The following ANKS1B variants were observed in gnomAD, a reference collection of about 807,000 sequenced individuals.
ANKS1B encodes the protein ankyrin repeat and sterile alpha motif domain-containing protein 1B.
Under a neutral mutation model 148.3 loss-of-function variants are expected in ANKS1B, and 36 were observed. The ratio of observed to expected loss-of-function variants is 0.24; its 90% confidence interval spans 0.19 to 0.32. The LOEUF is 0.32. Ranked by LOEUF, ANKS1B falls within the 10% of genes least tolerant of loss-of-function variation. ANKS1B has a pLI of 1.00. For missense variants in ANKS1B, 1,157 were observed against 1,542.6 expected, an observed-to-expected ratio of 0.75 and a Z score of 4.19; for synonymous variants, 542 against 560.8, an observed-to-expected ratio of 0.97 and a Z score of 0.47.
In ANKS1B at chr12:99,400,437, A is replaced by C. The variant is rs2094372730; in HGVS notation, c.1576-626T>G. ...TTTTAATTAATCCCCAAATAGCAAG[A>C]AAAGTCAATTTAAACATAAAAGTTA... On this transcript the variant is annotated intron_variant, in intron 11 of 26. Coordinates refer to ENST00000683438, the MANE Select transcript of ANKS1B (RefSeq NM_001352186.2). 1.4e-5 allele frequency among the ~76,000 whole-genome samples: 2 copies of C among 145,906 alleles called. 1 individual carries two copies. Among genetic ancestry groups the C allele is most frequent in the Non-Finnish European group, 3.0e-5 (2 of 66,020 alleles).
chr12:98,745,931 C>G (rs552028072), intron 26 of ANKS1B, 82 bp from the exon 27 acceptor site: 2 of 1,459,210 alleles, frequency 1.4e-6, no homozygotes, highest in East Asian at 2.5e-5. Context: ...GGCGAACCCA[C>G]GCGAGGCCCC....
intron 1 of ANKS1B, among the ~76,000 whole-genome samples, chr12:99,843,863 C>G (rs940282558): frequency 1.3e-5 from 2 of 152,072 alleles, no homozygotes; most frequent in Non-Finnish European, 2.9e-5. Context: ...CTAATTTACA[C>G]CCCCACCAGC....
intron 8 of ANKS1B, among the ~76,000 whole-genome samples, chr12:99,724,647 T>C (rs969097170): frequency 1.3e-5 from 2 of 151,872 alleles, no homozygotes; most frequent in Non-Finnish European, 2.9e-5. Flanking sequence ...ATTCAGGAAA[T>C]ACAGTGAACA....
chr12:98,983,790 C>T (rs2099921250), intron 17 of ANKS1B, among the ~76,000 whole-genome samples: 1 of 152,312 alleles, frequency 6.6e-6, no homozygotes, highest in South Asian at 2.1e-4. Context: ...TGGAGCAAAA[C>T]TGGTTGGGAA....
At chr12:98,755,942 A>G (rs563575018) in intron 25 of ANKS1B, among the ~76,000 whole-genome samples, 5 of 152,266 alleles carry the variant, frequency 3.3e-5, no homozygotes, top group African/African-American at 1.2e-4. Context: ...TGCTTGACCC[A>G]TAGGATATAG....
intron 22 of ANKS1B, among the ~76,000 whole-genome samples, chr12:98,789,023 T>C (rs887144530): frequency 1.3e-5 from 2 of 152,216 alleles, no homozygotes; most frequent in African/African-American, 4.8e-5. Context: ...GTTCAGTTCA[T>C]AATGACAGAT....
chr12:99,898,974 T>C (rs2093489108), intron 1 of ANKS1B, among the ~76,000 whole-genome samples: 1 of 152,206 alleles, frequency 6.6e-6, no homozygotes, highest in Non-Finnish European at 1.5e-5. Flanking sequence ...CCTCTCATTT[T>C]ATAGGTTAGA....
chr12:99,105,768 CAAAAAAAAAAAAA>C lies in ANKS1B; in HGVS notation c.2527-20758_2527-20746del, dbSNP rs11349848. 7.2e-5 allele frequency among the ~76,000 whole-genome samples: 6 copies of C among 82,932 alleles called. No homozygotes were observed. The South Asian group carries it at 2.5e-3, about 35-fold the overall frequency. The allele number at this position is 82,932 out of a possible 152,430, so 54.4% of individuals were successfully genotyped here. ...TGGGCAACAAAGTGAGACTCTGTCT[CAAAAAAAAAAAAA>C]AAAAAAAACTAAAACTAAAACAAAA... On this transcript the variant is annotated intron_variant, in intron 15 of 26. Coordinates refer to ENST00000683438, the MANE Select transcript of ANKS1B (RefSeq NM_001352186.2).
At chr12:98,904,427 A>G (rs1476651907) in intron 17 of ANKS1B, among the ~76,000 whole-genome samples, 3 of 152,250 alleles carry the variant, frequency 2.0e-5, no homozygotes, top group Admixed American at 6.5e-5. Flanking sequence ...TAGCTCTACA[A>G]ATTTCTTTAA....
intron 8 of ANKS1B, among the ~76,000 whole-genome samples, chr12:99,715,356 C>G (rs1381163903): frequency 6.6e-6 from 1 of 152,128 alleles, no homozygotes; most frequent in Non-Finnish European, 1.5e-5. Context: ...CTGGCTCATC[C>G]TGACTCAAAA....
chr12:99,815,096 G>A, intron 2 of ANKS1B, among the ~76,000 whole-genome samples: 1 of 151,424 alleles, frequency 6.6e-6, no homozygotes, highest in East Asian at 1.9e-4. Flanking sequence ...TCCTTTCAAG[G>A]GGTAAAGACG....
intron 8 of ANKS1B, among the ~76,000 whole-genome samples, chr12:99,708,114 A>G (rs1318659335): frequency 1.3e-5 from 2 of 152,166 alleles, no homozygotes; most frequent in African/African-American, 4.8e-5. Context: ...AATGCAAGCC[A>G]AATTCAACTG....
intron 12 of ANKS1B, among the ~76,000 whole-genome samples, chr12:99,325,070 CT>C (rs1348003692): frequency 6.6e-6 from 1 of 152,092 alleles, no homozygotes; most frequent in East Asian, 1.9e-4. Context: ...CAATGATGGA[CT>C]GTATACACGA....
At chr12:98,915,232 G>A (rs1040402335) in intron 17 of ANKS1B, among the ~76,000 whole-genome samples, 10 of 152,186 alleles carry the variant, frequency 6.6e-5, no homozygotes, top group Non-Finnish European at 1.3e-4. Context: ...TATCCATAGA[G>A]GGAAGATGAT....
chr12:99,016,848 G>T (rs1161142541), intron 17 of ANKS1B, among the ~76,000 whole-genome samples: 3 of 152,188 alleles, frequency 2.0e-5, no homozygotes, highest in African/African-American at 7.2e-5. Context: ...AAGGGTTCTT[G>T]CCTCTCCCCT....
chr12:98,770,625 T>G (rs991028996), intron 25 of ANKS1B, among the ~76,000 whole-genome samples: 2 of 152,140 alleles, frequency 1.3e-5, no homozygotes, highest in Non-Finnish European at 2.9e-5. Flanking sequence ...TGTTTTTTTT[T>G]TTAAAGGCCC....
At chr12:99,179,152 G>A (rs913748613) in intron 14 of ANKS1B, among the ~76,000 whole-genome samples, 1 of 152,128 alleles carries the variant, frequency 6.6e-6, no homozygotes, top group Non-Finnish European at 1.5e-5. Flanking sequence ...GTTGAGGCCG[G>A]GCGCGGTGGC....
Position 98,897,594 on chromosome 12 carries a change from G to A in ANKS1B, c.2779-65458C>T, listed in dbSNP as rs2152750873. Among the ~76,000 whole-genome samples, 2 of 152,238 alleles carry A rather than the reference G, an allele frequency of 1.3e-5. 1 individual carries two copies. The highest frequency in any genetic ancestry group is 4.1e-4 in the South Asian group (2 of 4,824). ...GATGTTGGTGAGGTTGCCGAGAAAA[G>A]GGAATGCTTATACACAATTGGTGGG... On this transcript the variant is annotated intron_variant, in intron 17 of 26. Coordinates refer to ENST00000683438, the MANE Select transcript of ANKS1B (RefSeq NM_001352186.2).
intron 14 of ANKS1B, among the ~76,000 whole-genome samples, chr12:99,199,617 A>G (rs761257974): frequency 7.2e-5 from 11 of 152,238 alleles, no homozygotes; most frequent in Non-Finnish European, 1.3e-4. Context: ...GAGATTTCCA[A>G]TGTGCCCTTA....
Sources: allele counts gnomAD v4.1 joint callset (sites outside exome capture counted in the v4.1 genomes callset), GRCh38; gene constraint gnomAD v4.1.1; transcripts MANE v1.5; gene names NCBI Gene and HGNC (gene_info 2026-07-23, HGNC 2026-07-21).